Variants in HAVCR2 observed in about 807,000 individuals in gnomAD.
The protein encoded by HAVCR2 is hepatitis A virus cellular receptor 2.
Under a neutral mutation model 24.7 loss-of-function variants are expected in HAVCR2, and 13 were observed. The ratio of observed to expected loss-of-function variants is 0.53; its 90% CI spans 0.34 to 0.84. HAVCR2 has a LOEUF of 0.84. Ranked by LOEUF, HAVCR2 falls within the 40% of genes least tolerant of loss-of-function variation. HAVCR2 has a pLI of 0.01. For synonymous variants in HAVCR2, 154 were observed against 143.4 expected, an observed-to-expected ratio of 1.07 and a Z score of -0.53; for missense variants, 343 against 371.2, an observed-to-expected ratio of 0.92 and a Z score of 0.62.
At chr5:157,102,988 G>A (rs2113693442) in intron 3 of HAVCR2, among the ~76,000 whole-genome samples, 1 of 151,682 alleles carries the variant, frequency 6.6e-6, no homozygotes, top group African/African-American at 2.4e-5. Flanking sequence ...TCTGTCTGTG[G>A]TAGAGACAAG....
At chr5:157,098,439 A>G (rs1757124861) in intron 4 of HAVCR2, among the ~76,000 whole-genome samples, 1 of 152,032 alleles carries the variant, frequency 6.6e-6, no homozygotes, top group Admixed American at 6.6e-5. Context: ...TTCACTTTGA[A>G]TATTCCTGAC....
rs1035314143 is a variant in HAVCR2, at chr5:157,086,934, T to G, written c.*168A>C. On this transcript the variant is annotated 3_prime_UTR_variant, in exon 7 of 7. Coordinates refer to ENST00000307851, the MANE Select transcript of HAVCR2 (RefSeq NM_032782.5). Reference sequence around the variant, plus strand: ...ATACAGAGGCAATGACATGCCTGTTTAAGTTCAGTGCAGGTCCCAGTTCAA... The same window carrying G: ...ATACAGAGGCAATGACATGCCTGTTGAAGTTCAGTGCAGGTCCCAGTTCAA... The G allele has an allele frequency of 1.7e-6, 1 of 592,466 alleles. No homozygotes were observed. Among genetic ancestry groups the G allele is most frequent in the Non-Finnish European group, 2.9e-6 (1 of 345,612 alleles). 36.7% of individuals were successfully genotyped at this position (592,466 alleles called of 1,614,324 possible). A position where few individuals can be genotyped will look rare whatever the true frequency, so the allele number is the denominator to read the frequency against.
chr5:157,089,586 A>G (rs916959588), intron 5 of HAVCR2, among the ~76,000 whole-genome samples: 5 of 152,160 alleles, frequency 3.3e-5, no homozygotes, highest in Non-Finnish European at 5.9e-5. Context: ...GGAAAACAAA[A>G]TAATTTCAAA....
rs1341665702 is a variant in HAVCR2, at chr5:157,106,826, G to A, written c.195C>T (p.Asn65=). The change falls in exon 2 of 7, where the codon AAC becomes AAT. Residue 65 remains asparagine, a synonymous_variant. Transcript: ENST00000307851. ...CCCTTTCATCAGTCCTGAGCACCAC[G>A]TTGCCACATTCAAACACAGGACAGG... ...KGACPVFECG[N]VVLRTDERDV... 3.7e-6 allele frequency: 6 copies of A among 1,614,030 alleles called. No individual in the cohort carries two copies. The highest frequency in any genetic ancestry group is 2.7e-5 in the African/African-American group (2 of 74,904).
intron 4 of HAVCR2, among the ~76,000 whole-genome samples, chr5:157,098,077 G>A (rs1050516195): frequency 1.1e-4 from 17 of 151,812 alleles, no homozygotes; most frequent in African/African-American, 3.9e-4. Flanking sequence ...TTCAAGACCA[G>A]CCTGACCAAC....
Position 157,108,936 on chromosome 5 carries a change from TAGCAGC to T in HAVCR2, c.42_47del (p.Leu17_Leu18del). The T allele has an allele frequency of 6.8e-6, 11 of 1,612,582 alleles. No individual in the cohort carries two copies. The highest frequency in any genetic ancestry group is 9.3e-6 in the Non-Finnish European group (11 of 1,178,860). ...CATGCCGAGACTTACTTGTAAGTAGTAGCAGCAGCAGCAGCAGGACACAGTCAAAGG... is the reference window on the plus strand; with the variant it reads ...CATGCCGAGACTTACTTGTAAGTAGTAGCAGCAGCAGGACACAGTCAAAGG... On this transcript the variant is annotated inframe_deletion, in exon 1 of 7. Transcript: ENST00000307851.
At chr5:157,100,034 T>TGAG (rs2113691468) in intron 3 of HAVCR2, among the ~76,000 whole-genome samples, 1 of 152,272 alleles carries the variant, frequency 6.6e-6, no homozygotes, top group East Asian at 1.9e-4. Flanking sequence ...CATTTACTCA[T>TGAG]GAGAAGGGAG....
chr5:157,105,610 G>C (rs1404120075), intron 2 of HAVCR2, among the ~76,000 whole-genome samples: 1 of 152,038 alleles, frequency 6.6e-6, no homozygotes, highest in Non-Finnish European at 1.5e-5. Context: ...TATAGAAGAG[G>C]AGCTCACAGC....
intron 5 of HAVCR2, among the ~76,000 whole-genome samples, chr5:157,089,253 T>C (rs1012710151): frequency 6.6e-6 from 1 of 152,164 alleles, no homozygotes; most frequent in Admixed American, 6.6e-5. Context: ...AACATAAAAG[T>C]GAATTGTGAG....
At chr5:157,103,935 C>G (rs369936831) in intron 3 of HAVCR2, among the ~76,000 whole-genome samples, 4 of 152,078 alleles carry the variant, frequency 2.6e-5, no homozygotes, top group African/African-American at 9.7e-5. Context: ...TGTGGTCAGA[C>G]ATTGGGATAA....
At position 157,087,082 on chromosome 5, in the gene HAVCR2, C is replaced by T. The variant is rs1363293582; in HGVS notation, c.*20G>A. On this transcript the variant is annotated 3_prime_UTR_variant, in exon 7 of 7. Coordinates refer to ENST00000307851, the MANE Select transcript of HAVCR2 (RefSeq NM_032782.5). ...TCTGAAAAAGACAAAACACCAAGCT[C>T]AAAAATAAGGTGGTTGGATCTATGG... 3 of 1,606,170 alleles carry T rather than the reference C, an allele frequency of 1.9e-6. No homozygotes were observed. Among genetic ancestry groups the T allele is most frequent in the South Asian group, 2.2e-5 (2 of 89,408 alleles).
At chr5:157,104,807 G>A in intron 2 of HAVCR2, 58 bp from the exon 3 acceptor site, 1 of 1,195,886 alleles carries the variant, frequency 8.4e-7, no homozygotes, top group Non-Finnish European at 1.2e-6. Flanking sequence ...GCTTATTTCA[G>A]GGAATCAAAG....
At chr5:157,105,704 T>C (rs1757237552) in intron 2 of HAVCR2, among the ~76,000 whole-genome samples, 1 of 152,130 alleles carries the variant, frequency 6.6e-6, no homozygotes, top group African/African-American at 2.4e-5. Context: ...ACAAAGTACA[T>C]GTTATAGAAA....
chr5:157,097,444 G>C (rs773447890), intron 4 of HAVCR2, among the ~76,000 whole-genome samples: 5 of 151,800 alleles, frequency 3.3e-5, no homozygotes, highest in African/African-American at 4.8e-5. Flanking sequence ...ATTTTTTGTA[G>C]AGACAGGGTG....
In HAVCR2 at chr5:157,104,752, A is replaced by G. The variant is rs1296720835; in HGVS notation, c.395-3T>C. On this transcript the variant is annotated splice_region_variant and splice_polypyrimidine_tract_variant and intron_variant, in intron 2 of 6. Transcript: ENST00000307851. ...AGTCGGTGCAGGGGTGACCTTGGCT[A>G]ATGTCAGAAACAACATAAGGATGAA... 1.9e-6 allele frequency: 3 copies of G among 1,585,328 alleles called. No individual in the cohort carries two copies. The highest frequency in any genetic ancestry group is 2.6e-6 in the Non-Finnish European group (3 of 1,161,446).
chr5:157,104,538 A>C, intron 3 of HAVCR2, 128 bp downstream of exon 3: 1 of 602,058 alleles, frequency 1.7e-6, no homozygotes. Context: ...TTCAAACACT[A>C]TTTCAGGTGC....
intron 2 of HAVCR2, 139 bp from the exon 3 acceptor site, chr5:157,104,888 G>T (rs1757224288): frequency 3.5e-6 from 2 of 570,808 alleles, no homozygotes; most frequent in South Asian, 3.9e-5. Flanking sequence ...AACCTGCCTG[G>T]ATACCTACGT....
chr5:157,098,813 C>A, intron 4 of HAVCR2, 45 bp downstream of exon 4: 1 of 1,566,670 alleles, frequency 6.4e-7, no homozygotes, highest in Non-Finnish European at 8.7e-7. Context: ...CCATGATTTC[C>A]CCTCCAAGTT....
In HAVCR2 at chr5:157,108,961, T is replaced by C. The variant is rs1757290544; in HGVS notation, c.23A>G (p.Asp8Gly). Residue 8 changes from aspartate (D) to glycine (G), a missense_variant, in exon 1 of 7, where the codon GAC (aspartate) becomes GGC (glycine). Transcript: ENST00000307851. ...TAGCAGCAGCAGCAGCAGGACACAG[T>C]CAAAGGGAAGATGTGAAAACATGGA... MFSHLPF[D>G]CVLLLLLLLL... is the part of the protein sequence containing the mutation. The C allele has an allele frequency of 1.9e-6, 3 of 1,614,018 alleles. No individual in the cohort carries two copies. The highest frequency in any genetic ancestry group is 1.3e-5 in the African/African-American group (1 of 74,924).
Sources: allele counts gnomAD v4.1 joint callset (sites outside exome capture counted in the v4.1 genomes callset), GRCh38; gene constraint gnomAD v4.1.1; transcripts MANE v1.5; gene names NCBI Gene and HGNC (gene_info 2026-07-23, HGNC 2026-07-21).